Variants in ASB3 observed in about 807,000 individuals in gnomAD.
ASB3 encodes ankyrin repeat and SOCS box protein 3.
ASB3 carries 41 observed loss-of-function variants against 54.5 expected under a neutral mutation model. The ratio of observed to expected loss-of-function variants is 0.75; its 90% CI spans 0.59 to 0.98. The LOEUF is 0.98. Among genes scored for constraint, ASB3 ranks in the 50% least tolerant of loss-of-function variants. The pLI, the probability that ASB3 is intolerant of heterozygous loss-of-function variation, is 0.00. For missense variants in ASB3, 733 were observed against 620.0 expected (o/e 1.18, Z -1.94); for synonymous variants, 266 against 221.2 (o/e 1.20, Z -1.80).
chr2:53,671,297 C>A (rs917905514), intron 9 of ASB3, among the ~76,000 whole-genome samples: 1 of 151,676 alleles, frequency 6.6e-6, no homozygotes, highest in South Asian at 2.1e-4. Context: ...TCCAAAGTCA[C>A]AGAGCTAGTA....
chr2:53,688,344 A>G (rs561879825), intron 9 of ASB3, among the ~76,000 whole-genome samples: 2 of 152,326 alleles, frequency 1.3e-5, no homozygotes, highest in East Asian at 3.9e-4. Context: ...ATCCTGTGTA[A>G]CCACCATCTC....
chr2:53,693,793 C>A, intron 9 of ASB3, 91 bp downstream of exon 9: 1 of 1,501,394 alleles, frequency 6.7e-7, no homozygotes, highest in Non-Finnish European at 8.9e-7. Flanking sequence ...TTGTGTTCAC[C>A]GATGAATCTT....
At chr2:53,708,321 T>A (rs1669903695) in intron 7 of ASB3, among the ~76,000 whole-genome samples, 1 of 152,210 alleles carries the variant, frequency 6.6e-6, no homozygotes, top group South Asian at 2.1e-4. Context: ...CATGATTATG[T>A]TTCCTGAAGT....
At chr2:53,731,983 A>C (rs1332832531) in intron 3 of ASB3, among the ~76,000 whole-genome samples, 3 of 151,394 alleles carry the variant, frequency 2.0e-5, no homozygotes, top group African/African-American at 7.3e-5. Context: ...TTTGAGATGG[A>C]GTCTCACTCT....
At chr2:53,760,288 A>C (rs1673071637) in intron 2 of ASB3, among the ~76,000 whole-genome samples, 2 of 152,210 alleles carry the variant, frequency 1.3e-5, no homozygotes, top group African/African-American at 4.8e-5. Context: ...CTAACTTCCG[A>C]GGGAATACCT....
At chr2:53,755,435 A>G (rs1247206050) in intron 2 of ASB3, among the ~76,000 whole-genome samples, 1 of 152,232 alleles carries the variant, frequency 6.6e-6, no homozygotes, top group African/African-American at 2.4e-5. Context: ...GTCAAACCAC[A>G]AGGTTTTCAG....
chr2:53,755,835 C>T (rs180993937), intron 2 of ASB3, among the ~76,000 whole-genome samples: 13 of 152,164 alleles, frequency 8.5e-5, no homozygotes, highest in South Asian at 2.1e-4. Context: ...GATTAATATC[C>T]AGAATACATA....
chr2:53,768,063 C>A, intron 1 of ASB3: 1 of 1,605,030 alleles, frequency 6.2e-7, no homozygotes, highest in Non-Finnish European at 8.5e-7. Context: ...GCCCCCTGAC[C>A]CCTGCTCCCC....
chr2:53,746,750 G>C (rs1039246906), intron 3 of ASB3, among the ~76,000 whole-genome samples: 1 of 152,256 alleles, frequency 6.6e-6, no homozygotes, highest in Middle Eastern at 3.4e-3. Flanking sequence ...AAAGTGCTGA[G>C]ATTACAAATG....
At chr2:53,754,181 G>T (rs1334482881) in intron 2 of ASB3, among the ~76,000 whole-genome samples, 1 of 152,150 alleles carries the variant, frequency 6.6e-6, no homozygotes, top group African/African-American at 2.4e-5. Context: ...CATTGTATTG[G>T]ATTGTAACCT....
chr2:53,690,313 C>T (rs536603461), intron 9 of ASB3, among the ~76,000 whole-genome samples: 3 of 152,020 alleles, frequency 2.0e-5, no homozygotes, highest in Non-Finnish European at 2.9e-5. Context: ...TTAGAGAGAA[C>T]TGCTCAAAAG....
chr2:53,782,044 C>G (rs1260870839), intron 1 of ASB3, among the ~76,000 whole-genome samples: 1 of 152,084 alleles, frequency 6.6e-6, no homozygotes, highest in East Asian at 1.9e-4. Flanking sequence ...CAGGCTGGTG[C>G]ACACCTGTAG....
Position 53,693,874 on chromosome 2 carries a change from T to G in ASB3, c.1369+10A>C, listed in dbSNP as rs1377416130. The stretch of plus-strand genomic sequence containing the variant: ...GTAGTGAAGTGTGTTTAAAAGTTAT[T>G]CTTTCTTACCAATATGTTGCTGTAG... On this transcript the variant is annotated intron_variant, in intron 9 of 9. Coordinates refer to ENST00000263634, the MANE Select transcript of ASB3 (RefSeq NM_016115.5). 1.9e-6 allele frequency: 3 copies of G among 1,611,850 alleles called. No homozygotes were observed. Among genetic ancestry groups the G allele is most frequent in the Non-Finnish European group, 2.5e-6 (3 of 1,178,792 alleles).
chr2:53,754,494 A>G (rs1007179199), intron 2 of ASB3, among the ~76,000 whole-genome samples: 1 of 152,250 alleles, frequency 6.6e-6, no homozygotes, highest in Non-Finnish European at 1.5e-5. Context: ...TCAATTTACT[A>G]CTAACTTGAG....
intron 9 of ASB3, among the ~76,000 whole-genome samples, chr2:53,687,836 G>C (rs1343695428): frequency 6.6e-6 from 1 of 152,058 alleles, no homozygotes; most frequent in Non-Finnish European, 1.5e-5. Flanking sequence ...TCTTTTAAGA[G>C]ACAGGATCAG....
chr2:53,734,791 A>G (rs1294956329), intron 3 of ASB3, among the ~76,000 whole-genome samples: 1 of 152,198 alleles, frequency 6.6e-6, no homozygotes, highest in Non-Finnish European at 1.5e-5. Flanking sequence ...TTGTGGTGTT[A>G]CAACTTTCTC....
intron 7 of ASB3, among the ~76,000 whole-genome samples, chr2:53,706,511 T>G (rs1183035032): frequency 6.6e-6 from 1 of 152,046 alleles, no homozygotes; most frequent in African/African-American, 2.4e-5. Context: ...AGTGGCGTGA[T>G]CTTGGCTCAC....
At chr2:53,750,322 G>C (rs1312156155) in intron 3 of ASB3, among the ~76,000 whole-genome samples, 2 of 152,134 alleles carry the variant, frequency 1.3e-5, no homozygotes, top group African/African-American at 4.8e-5. Context: ...GTCTGTAACA[G>C]AAGAGGTCTG....
chr2:53,749,532 A>G (rs1672406166), intron 3 of ASB3, among the ~76,000 whole-genome samples: 1 of 152,164 alleles, frequency 6.6e-6, no homozygotes, highest in Non-Finnish European at 1.5e-5. Context: ...TAACCACTAA[A>G]CAGTGAAAAC....
Sources: gnomAD v4.1 joint callset for allele counts (sites outside exome capture counted in the v4.1 genomes callset) on GRCh38, gnomAD v4.1.1 for gene constraint, MANE v1.5 for transcripts, NCBI Gene and HGNC (gene_info 2026-07-23, HGNC 2026-07-21) for gene names.